The following TBC1D22A variants were observed in gnomAD, a reference collection of about 807,000 sequenced individuals.
TBC1D22A encodes putative GTPase activator.
Under a neutral mutation model 60.2 loss-of-function variants are expected in TBC1D22A, and 38 were observed. That is an observed-to-expected ratio of 0.63 (90% CI 0.49 to 0.83). TBC1D22A has a LOEUF of 0.83. Ranked by LOEUF, TBC1D22A falls within the 40% of genes least tolerant of loss-of-function variation. The pLI, the probability that TBC1D22A is intolerant of heterozygous loss-of-function variation, is 0.00. For missense variants in TBC1D22A, 628 were observed against 701.0 expected, an observed-to-expected ratio of 0.90 and a Z score of 1.18; for synonymous variants, 302 against 281.7, an observed-to-expected ratio of 1.07 and a Z score of -0.72.
chr22:46,786,332 T>C (rs1412174507), intron 1 of TBC1D22A, among the ~76,000 whole-genome samples: 1 of 152,246 alleles, frequency 6.6e-6, no homozygotes, highest in Non-Finnish European at 1.5e-5. Context: ...TTTTGGTTAT[T>C]AAACCAACCT....
chr22:46,866,320 G>T (rs997302383), intron 4 of TBC1D22A, among the ~76,000 whole-genome samples: 2 of 152,102 alleles, frequency 1.3e-5, no homozygotes, highest in Admixed American at 6.5e-5. Flanking sequence ...GGTCAGGCTG[G>T]TCTCAAACTC....
chr22:46,974,262 T>G (rs1247530765), intron 8 of TBC1D22A, 28 bp from the exon 9 acceptor site: 1 of 1,559,352 alleles, frequency 6.4e-7, no homozygotes, highest in East Asian at 2.4e-5. Flanking sequence ...TAAGTCTCCT[T>G]GTCTTTTGCA....
At chr22:47,000,204 T>G (rs2075265554) in intron 10 of TBC1D22A, among the ~76,000 whole-genome samples, 1 of 152,092 alleles carries the variant, frequency 6.6e-6, no homozygotes, top group Admixed American at 6.5e-5. Flanking sequence ...CGAATTGCTC[T>G]GCAAAGTCAA....
At chr22:47,064,559 C>T (rs975777059) in intron 11 of TBC1D22A, among the ~76,000 whole-genome samples, 6 of 152,246 alleles carry the variant, frequency 3.9e-5, no homozygotes, top group African/African-American at 1.4e-4. Context: ...TGTCATTAAA[C>T]GTGGCTTTAA....
chr22:47,168,919 A>T (rs2068315819), intron 12 of TBC1D22A, among the ~76,000 whole-genome samples: 1 of 152,158 alleles, frequency 6.6e-6, no homozygotes, highest in African/African-American at 2.4e-5. Context: ...CGGAAGCCTC[A>T]CCTGGTCTTC....
chr22:46,862,164 A>T (rs1308147718), intron 4 of TBC1D22A, among the ~76,000 whole-genome samples: 1 of 152,182 alleles, frequency 6.6e-6, no homozygotes, highest in Admixed American at 6.5e-5. Flanking sequence ...GAGTGTGAAG[A>T]TTGGGTGGAA....
intron 9 of TBC1D22A, among the ~76,000 whole-genome samples, chr22:46,995,469 C>G (rs2075088556): frequency 6.6e-6 from 1 of 152,186 alleles, no homozygotes. Flanking sequence ...CATGCCTGCT[C>G]TTGTTAGGAG....
intron 11 of TBC1D22A, among the ~76,000 whole-genome samples, chr22:47,100,697 GT>G (rs1250764364): frequency 1.3e-5 from 2 of 152,200 alleles, no homozygotes; most frequent in Admixed American, 6.5e-5. Flanking sequence ...CGCCATGATT[GT>G]AAGGGCTCCC....
intron 2 of TBC1D22A, chr22:46,792,797 G>A (rs1347632042): frequency 4.1e-6 from 6 of 1,454,966 alleles, no homozygotes; most frequent in Non-Finnish European, 3.6e-6. Context: ...ACAGCCTGAT[G>A]TGGGGAGGTG....
At chr22:46,841,213 T>C (rs1602103615) in intron 4 of TBC1D22A, among the ~76,000 whole-genome samples, 1 of 152,170 alleles carries the variant, frequency 6.6e-6, no homozygotes, top group African/African-American at 2.4e-5. Context: ...ATGTGATTCA[T>C]GAAGGTGGAG....
chr22:46,840,345 A>G (rs1432502020), intron 4 of TBC1D22A, among the ~76,000 whole-genome samples: 2 of 152,238 alleles, frequency 1.3e-5, no homozygotes, highest in East Asian at 3.8e-4. Context: ...GATTATCAAT[A>G]GGTATATGAA....
intron 12 of TBC1D22A, among the ~76,000 whole-genome samples, chr22:47,126,754 AG>A (rs2066472949): frequency 6.6e-6 from 1 of 152,250 alleles, no homozygotes; most frequent in African/African-American, 2.4e-5. Flanking sequence ...TCAAGGGCAG[AG>A]GGTGGCCCTT....
intron 8 of TBC1D22A, chr22:46,915,308 G>T: frequency 2.3e-6 from 1 of 433,664 alleles, no homozygotes; most frequent in Non-Finnish European, 4.7e-6. Context: ...CTGGTTTGCT[G>T]AACTCTTAGT....
chr22:47,123,929 T>G (rs1319729755), intron 12 of TBC1D22A, among the ~76,000 whole-genome samples: 2 of 152,124 alleles, frequency 1.3e-5, no homozygotes, highest in Admixed American at 1.3e-4. Flanking sequence ...GTATTAGCTC[T>G]TTGGACCATT....
At chr22:47,051,876 C>T (rs1292927815) in intron 11 of TBC1D22A, among the ~76,000 whole-genome samples, 1 of 152,268 alleles carries the variant, frequency 6.6e-6, no homozygotes, top group Non-Finnish European at 1.5e-5. Context: ...CTCCTGGCCA[C>T]CTGCTGTTCC....
chr22:47,059,005 G>A (rs560820827), intron 11 of TBC1D22A, among the ~76,000 whole-genome samples: 1 of 152,228 alleles, frequency 6.6e-6, no homozygotes, highest in South Asian at 2.1e-4. Flanking sequence ...CAGGTCCTGC[G>A]CTGGACACTC....
chr22:47,161,326 G>A (rs1053973399), intron 12 of TBC1D22A, among the ~76,000 whole-genome samples: 1 of 121,050 alleles, frequency 8.3e-6, no homozygotes, highest in Non-Finnish European at 1.7e-5. Context: ...CCCTGCTGCC[G>A]TGAGTCTCTT....
intron 8 of TBC1D22A, among the ~76,000 whole-genome samples, chr22:46,941,704 T>TAC (rs1569249167): frequency 0.024 from 1,659 of 68,700 alleles, 189 homozygotes; most frequent in African/African-American, 0.11. Flanking sequence ...GGATTATATA[T>TAC]GCGGAATATA....
chr22:47,159,395 C>T (rs1013911267), intron 12 of TBC1D22A, among the ~76,000 whole-genome samples: 2 of 150,448 alleles, frequency 1.3e-5, no homozygotes, highest in Non-Finnish European at 3.0e-5. Context: ...ACACCACACA[C>T]CACACTCTCA....
Sources: gnomAD v4.1 joint callset for allele counts (sites outside exome capture counted in the v4.1 genomes callset) on GRCh38, gnomAD v4.1.1 for gene constraint, MANE v1.5 for transcripts, NCBI Gene and HGNC (gene_info 2026-07-23, HGNC 2026-07-21) for gene names.